Variants in PPME1 observed in about 807,000 individuals in gnomAD.
PPME1 encodes the protein testicular secretory protein Li 39.
PPME1 carries 17 observed loss-of-function variants against 56.9 expected under a neutral mutation model. That is an observed-to-expected ratio of 0.30 (90% CI 0.20 to 0.45). The LOEUF (loss-of-function observed/expected upper bound fraction) is 0.45. Among genes scored for constraint, PPME1 ranks in the 20% least tolerant of loss-of-function variants. The probability of loss-of-function intolerance (pLI) is 1.00; values close to 1 mark genes in which losing one functional copy is unlikely to be tolerated. For synonymous variants in PPME1, 122 were observed against 156.2 expected (o/e 0.78, Z 1.63); for missense variants, 357 against 483.2 (o/e 0.74, Z 2.45).
intron 7 of PPME1, among the ~76,000 whole-genome samples, chr11:74,232,085 T>A (rs1453558973): frequency 6.6e-6 from 1 of 152,208 alleles, no homozygotes; most frequent in Non-Finnish European, 1.5e-5. Context: ...TTCAGAACAT[T>A]TTCTCTTAAG....
intron 8 of PPME1, 45 bp from the exon 9 acceptor site, chr11:74,239,088 G>C: frequency 1.3e-6 from 2 of 1,559,494 alleles, no homozygotes; most frequent in Non-Finnish European, 1.7e-6. Flanking sequence ...GATAATTTGT[G>C]TATTGGAAAG....
chr11:74,190,361 A>G (rs1386465705), intron 1 of PPME1, among the ~76,000 whole-genome samples: 1 of 152,208 alleles, frequency 6.6e-6, no homozygotes, highest in African/African-American at 2.4e-5. Context: ...TTCTGAGTTC[A>G]GTCGAGATCA....
intron 1 of PPME1, among the ~76,000 whole-genome samples, chr11:74,193,773 A>G (rs923434815): frequency 1.3e-5 from 2 of 152,030 alleles, no homozygotes; most frequent in African/African-American, 4.8e-5. Context: ...AAACTTGACT[A>G]TTTGTTTTTT....
chr11:74,183,325 A>G lies in PPME1; in HGVS notation c.101+11803A>G, dbSNP rs867386318. 2.6e-5 allele frequency among the ~76,000 whole-genome samples: 4 copies of G among 152,238 alleles called. No homozygotes were observed. The Middle Eastern group carries it at 0.01, about 388-fold the overall frequency. ...ACAAAACAACAACAAAAAAAGTAAG[A>G]TAGCTCTAAATAATTGTAAAGCTGG... On this transcript the variant is annotated intron_variant, in intron 1 of 13. Coordinates refer to ENST00000328257, the MANE Select transcript of PPME1 (RefSeq NM_016147.3).
chr11:74,200,976 TC>T (rs1168260065), intron 1 of PPME1, among the ~76,000 whole-genome samples: 2 of 151,518 alleles, frequency 1.3e-5, no homozygotes, highest in African/African-American at 4.9e-5. Context: ...GCCTTTTTTT[TC>T]TTTTTTCTTT....
At chr11:74,188,895 G>T (rs1857761905) in intron 1 of PPME1, among the ~76,000 whole-genome samples, 1 of 152,088 alleles carries the variant, frequency 6.6e-6, no homozygotes, top group African/African-American at 2.4e-5. Flanking sequence ...TGTGGTAATT[G>T]ATTTGTACAA....
At chr11:74,182,713 C>T (rs77083090) in intron 1 of PPME1, among the ~76,000 whole-genome samples, 4,676 of 152,158 alleles carry the variant, frequency 0.031, 219 homozygotes, top group African/African-American at 0.1. Context: ...ACACCAAAAC[C>T]AGAATCAAAA....
Position 74,171,320 on chromosome 11 carries a change from A to G in PPME1, c.-102A>G, listed in dbSNP as rs1857208895. On this transcript the variant is annotated 5_prime_UTR_variant, in exon 1 of 14. Coordinates refer to ENST00000328257, the MANE Select transcript of PPME1 (RefSeq NM_016147.3). ...GGTAGCTGGGTGCTGTCCAAAGGCGACAGGGCGTCGTTAGGGGAGCGAGTC... is the reference window on the plus strand; with the variant it reads ...GGTAGCTGGGTGCTGTCCAAAGGCGGCAGGGCGTCGTTAGGGGAGCGAGTC... 2.0e-6 allele frequency: 3 copies of G among 1,512,160 alleles called. No homozygotes were observed. In the Admixed American group the frequency reaches 6.1e-5, roughly 31 times the overall value. 93.7% of individuals were successfully genotyped at this position (1,512,160 alleles called of 1,614,324 possible).
intron 3 of PPME1, among the ~76,000 whole-genome samples, chr11:74,220,181 CTGT>C (rs1858760305): frequency 1.3e-5 from 2 of 152,142 alleles, no homozygotes; most frequent in Non-Finnish European, 2.9e-5. Context: ...CTCTAAGAAC[CTGT>C]TTTGTTCGCC....
chr11:74,209,182 C>G (rs1175281467), intron 3 of PPME1, among the ~76,000 whole-genome samples: 2 of 152,196 alleles, frequency 1.3e-5, no homozygotes, highest in African/African-American at 2.4e-5. Context: ...TCCTGGCTCA[C>G]TGCAACCTTG....
intron 9 of PPME1, among the ~76,000 whole-genome samples, chr11:74,243,126 C>CTT (rs1859417285): frequency 1.3e-5 from 2 of 152,052 alleles, no homozygotes; most frequent in South Asian, 4.1e-4. Context: ...TGTTAGCCAA[C>CTT]TTTCTGTTTC....
chr11:74,172,000 C>A (rs1007804236), intron 1 of PPME1, among the ~76,000 whole-genome samples: 1 of 151,940 alleles, frequency 6.6e-6, no homozygotes, highest in Non-Finnish European at 1.5e-5. Context: ...ACTAGAAAAG[C>A]TGAGGGGGGT....
chr11:74,238,755 C>T (rs1241071255), intron 8 of PPME1: 1 of 156,214 alleles, frequency 6.4e-6, no homozygotes, highest in Admixed American at 6.4e-5. Context: ...GTTAGTTGAG[C>T]CTGGATTTGC....
At chr11:74,193,440 A>G (rs1466962489) in intron 1 of PPME1, among the ~76,000 whole-genome samples, 1 of 152,266 alleles carries the variant, frequency 6.6e-6, no homozygotes, top group African/African-American at 2.4e-5. Flanking sequence ...CATCTCCAGG[A>G]TATCTCATTG....
chr11:74,222,663 A>G, intron 4 of PPME1: 1 of 341,286 alleles, frequency 2.9e-6, no homozygotes, highest in South Asian at 2.6e-5. Context: ...TAATTTTTGT[A>G]TTTTTAGTAG....
intron 3 of PPME1, among the ~76,000 whole-genome samples, chr11:74,210,854 G>A (rs1454119149): frequency 1.3e-5 from 2 of 152,126 alleles, no homozygotes; most frequent in Non-Finnish European, 2.9e-5. Flanking sequence ...GACTAAGACA[G>A]TAAGGGTGCA....
At chr11:74,207,320 T>C (rs979183821) in intron 3 of PPME1, among the ~76,000 whole-genome samples, 5 of 152,238 alleles carry the variant, frequency 3.3e-5, no homozygotes, top group Admixed American at 3.3e-4. Flanking sequence ...CTAAATGTTT[T>C]GTGGTTTGGG....
At chr11:74,176,523 T>C (rs2135589570) in intron 1 of PPME1, among the ~76,000 whole-genome samples, 1 of 152,220 alleles carries the variant, frequency 6.6e-6, no homozygotes, top group East Asian at 1.9e-4. Context: ...TCAGTGATTT[T>C]TGGTATATTC....
intron 12 of PPME1, 142 bp from the exon 13 acceptor site, chr11:74,251,506 G>C (rs1859661183): frequency 3.4e-6 from 5 of 1,461,606 alleles, no homozygotes; most frequent in Non-Finnish European, 4.5e-6. Context: ...GGAGGGCCTA[G>C]GTCCTTTTAA....
Sources: allele counts gnomAD v4.1 joint callset (sites outside exome capture counted in the v4.1 genomes callset), GRCh38; gene constraint gnomAD v4.1.1; transcripts MANE v1.5; gene names NCBI Gene and HGNC (gene_info 2026-07-23, HGNC 2026-07-21).